HSPG2: variants seen among roughly 807,000 people sequenced by gnomAD.
The protein encoded by HSPG2 is heparan sulfate proteoglycan 2.
HSPG2 carries 278 observed loss-of-function variants against 526.6 expected under a neutral mutation model. The observed-to-expected ratio is 0.53, with a 90% confidence interval of 0.48 to 0.58. The LOEUF is 0.58. Ranked by LOEUF, HSPG2 falls within the 20% of genes least tolerant of loss-of-function variation. HSPG2 has a pLI of 0.00. For synonymous variants in HSPG2, 2,465 were observed against 2,555.4 expected (o/e 0.96, Z 1.07); for missense variants, 5,354 against 6,099.5 (o/e 0.88, Z 4.07).
intron 1 of HSPG2, among the ~76,000 whole-genome samples, chr1:21,897,759 G>A (rs1238632736): frequency 6.6e-6 from 1 of 152,156 alleles, no homozygotes; most frequent in South Asian, 2.1e-4. Flanking sequence ...GGCAGGCTGG[G>A]GGTGACTGGG....
chr1:21,840,858 C>T (rs868007252), intron 71 of HSPG2, among the ~76,000 whole-genome samples: 1 of 152,190 alleles, frequency 6.6e-6, no homozygotes, highest in African/African-American at 2.4e-5. Flanking sequence ...CCCCATTAGT[C>T]CATCCATCCA....
At chr1:21,879,224 G>C in intron 17 of HSPG2, 103 bp from the exon 18 acceptor site, 1 of 1,393,006 alleles carries the variant, frequency 7.2e-7, no homozygotes, top group Non-Finnish European at 1.0e-6. Context: ...CATCACGCTG[G>C]AGGCACAGCT....
rs1291682542 is a variant in HSPG2 at position 21,824,174 on chromosome 1, C to A, written c.12846G>T (p.Leu4282=). 1.2e-6 allele frequency: 2 copies of A among 1,613,634 alleles called. No homozygotes were observed. Among genetic ancestry groups the A allele is most frequent in the African/African-American group, 1.3e-5 (1 of 74,936 alleles). ...CGTCATTGATGGGGTCCTCAGAGAC[C>A]AGGCGGGCCTCCCCACTACCCAGCT... is the stretch of plus-strand genomic sequence containing the variant. ...RYQLGSGEAR[L]VSEDPINDGE... is the part of the protein sequence containing the mutation. Residue 4282 remains leucine (L), a synonymous_variant, in exon 95 of 97, where the codon CTG becomes CTT. Coordinates refer to ENST00000374695, the MANE Select transcript of HSPG2 (RefSeq NM_005529.7). The surrounding 1 kb of genome is among the most constrained non-coding windows in gnomAD (Gnocchi z 5.9).
In HSPG2 at chr1:21,890,039, G is replaced by A; in HGVS notation, c.516C>T (p.Gly172=). Residue 172 remains glycine (G), a synonymous_variant, in exon 6 of 97, where the codon GGC becomes GGT. Transcript: ENST00000374695. This position sits in a 1 kb window ranked among gnomAD's most constrained non-coding sequence, Gnocchi z 4.1. ...GAGAGGTGACGTAGGAGGCCACAGAGCCGCTGGAGATGACCCTGAGCAGCA... is the reference window on the plus strand; with the variant it reads ...GAGAGGTGACGTAGGAGGCCACAGAACCGCTGGAGATGACCCTGAGCAGCA... The part of the protein sequence containing the change: ...QEMLLRVISS[G]SVASYVTSPQ... 1 of 1,614,120 alleles carries A rather than the reference G, an allele frequency of 6.2e-7. No homozygotes were observed. Among genetic ancestry groups the A allele is most frequent in the East Asian group, 2.2e-5 (1 of 44,874 alleles).
At chr1:21,826,218 T>C (rs1363885966) in intron 91 of HSPG2, among the ~76,000 whole-genome samples, 1 of 152,060 alleles carries the variant, frequency 6.6e-6, no homozygotes, top group Non-Finnish European at 1.5e-5. Context: ...CATAGCCATG[T>C]GCCACCACAC....
In HSPG2 at chr1:21,861,818, C is replaced by T; in HGVS notation, c.4894G>A (p.Gly1632Arg). Residue 1632 changes from glycine (G) to arginine (R), a missense_variant, in exon 39 of 97, where the codon GGA becomes AGA. Physicochemically the swap from Gly to Arg is moderately radical, Grantham distance 125 (BLOSUM62 -2). Coordinates refer to ENST00000374695, the MANE Select transcript of HSPG2 (RefSeq NM_005529.7). ...GCCGTGCAGCGGTACCCGCCGGCTC[C>T]CAGGCTCTCACAGGTGCGGGAAAAC... ...NMFSRTCESL[G>R]AGGYRCTACE... The T allele has an allele frequency of 2.5e-6, 4 of 1,613,824 alleles. No individual in the cohort carries two copies. The highest frequency in any genetic ancestry group is 3.4e-6 in the Non-Finnish European group (4 of 1,180,026).
rs191992952 is a variant in HSPG2, at chr1:21,898,952, G to A, written c.64-2642C>T. On this transcript the variant is annotated intron_variant, in intron 1 of 96. Coordinates refer to ENST00000374695, the MANE Select transcript of HSPG2 (RefSeq NM_005529.7). The surrounding 1 kb of genome is among the most constrained non-coding windows in gnomAD (Gnocchi z 4.0). ...TGGTCAGCGGGTGGCGGCGGGGGTG[G>A]CCTTGGGACCAGACAGGAAATAGCA... 8.5e-5 allele frequency among the ~76,000 whole-genome samples: 13 copies of A among 152,342 alleles called. No homozygotes were observed. The highest frequency in any genetic ancestry group is 3.1e-4 in the African/African-American group (13 of 41,580).
In HSPG2 at chr1:21,850,056, G is replaced by A. The variant is rs768049269; in HGVS notation, c.7431C>T (p.Leu2477=). 4 of 1,613,234 alleles carry A rather than the reference G, an allele frequency of 2.5e-6. No homozygotes were observed. Among genetic ancestry groups the A allele is most frequent in the Non-Finnish European group, 3.4e-6 (4 of 1,180,012 alleles). ...TGCCTCCTACCTGGTGCCGGGCCGG[G>A]AGGCTGCCCCCGCGCTTGTGCCACG... ...QVTWHKRGGS[L]PARHQVHGSR... The change falls in exon 57 of 97, where the codon CTC becomes CTT. Residue 2477 remains leucine (L), a synonymous_variant. Coordinates refer to ENST00000374695, the MANE Select transcript of HSPG2 (RefSeq NM_005529.7).
At chr1:21,845,926 C>T (rs924003453) in intron 64 of HSPG2, among the ~76,000 whole-genome samples, 182 bp downstream of exon 64, 1 of 152,236 alleles carries the variant, frequency 6.6e-6, no homozygotes, top group African/African-American at 2.4e-5. Flanking sequence ...GGGACAGGAA[C>T]CACTCCACCT....
intron 81 of HSPG2, among the ~76,000 whole-genome samples, 186 bp downstream of exon 81, chr1:21,832,309 G>A (rs986810016): frequency 2.0e-5 from 3 of 152,178 alleles, no homozygotes; most frequent in African/African-American, 7.2e-5. Flanking sequence ...CAAGTCTGAG[G>A]TTGCACCCTC....
At chr1:21,835,997 A>AAAAT (rs1207837224) in intron 75 of HSPG2, among the ~76,000 whole-genome samples, 3 of 151,832 alleles carry the variant, frequency 2.0e-5, no homozygotes, top group Non-Finnish European at 4.4e-5. Flanking sequence ...AAAAAAAAAA[A>AAAAT]AAAAAAGAAT....
chr1:21,891,317 G>A (rs1441739107), intron 3 of HSPG2, among the ~76,000 whole-genome samples: 1 of 152,218 alleles, frequency 6.6e-6, no homozygotes, highest in Non-Finnish European at 1.5e-5. Flanking sequence ...TTCCTAATGG[G>A]GATATTGACT....
chr1:21,844,857 G>C (rs1182488348), intron 64 of HSPG2, among the ~76,000 whole-genome samples: 1 of 152,200 alleles, frequency 6.6e-6, no homozygotes, highest in Non-Finnish European at 1.5e-5. Context: ...TTACTGCTTA[G>C]CAATCTGTGT....
Position 21,878,496 on chromosome 1 carries a change from G to A in HSPG2, c.2559-5C>T, listed in dbSNP as rs1163887825. The A allele has an allele frequency of 1.9e-6, 3 of 1,613,188 alleles. No homozygotes were observed. Among genetic ancestry groups the A allele is most frequent in the South Asian group, 1.1e-5 (1 of 90,968 alleles). On this transcript the variant is annotated splice_region_variant and splice_polypyrimidine_tract_variant and intron_variant, in intron 19 of 96. Transcript: ENST00000374695. ...CCCTCGTATCCGGGGGCACAGCTAG[G>A]GGAGAGAGGGGGCCGCCATCAGCAC...
chr1:21,822,301 C>T lies in HSPG2; in HGVS notation c.*1015G>A. 7.1e-7 allele frequency: 1 copy of T among 1,418,084 alleles called. No homozygotes were observed. Among genetic ancestry groups the T allele is most frequent in the Non-Finnish European group, 9.9e-7 (1 of 1,005,630 alleles). The allele number at this position is 1,418,084 out of a possible 1,614,324, so 87.8% of individuals were successfully genotyped here. ...CAAGACAAAGACCACAGGAGGGTCC[C>T]TTCTAGGACACAGAGGCCAGGCGTC... is the stretch of plus-strand genomic sequence containing the variant. On this transcript the variant is annotated 3_prime_UTR_variant, in exon 97 of 97. Coordinates refer to ENST00000374695, the MANE Select transcript of HSPG2 (RefSeq NM_005529.7).
intron 1 of HSPG2, among the ~76,000 whole-genome samples, chr1:21,908,864 G>A (rs1187896965): frequency 2.0e-5 from 3 of 152,200 alleles, no homozygotes; most frequent in Non-Finnish European, 4.4e-5. Context: ...GGTGGCTCAC[G>A]CCTATAATTC....
At position 21,893,138 on chromosome 1, in the gene HSPG2, C is replaced by A. The variant is rs1482446376; in HGVS notation, c.245-2444G>T. ...CACCAACTCCTGATTCCCATCCCTGCTCAACAGAACTCTCTGCAACACACC... is the reference window on the plus strand; with the variant it reads ...CACCAACTCCTGATTCCCATCCCTGATCAACAGAACTCTCTGCAACACACC... On this transcript the variant is annotated intron_variant, in intron 3 of 96. Transcript: ENST00000374695. The surrounding 1 kb of genome is among the most constrained non-coding windows in gnomAD (Gnocchi z 4.3). 6.6e-6 allele frequency among the ~76,000 whole-genome samples: 1 copy of A among 152,206 alleles called. No homozygotes were observed. Among genetic ancestry groups the A allele is most frequent in the East Asian group, 1.9e-4 (1 of 5,192 alleles).
At chr1:21,870,649 C>CAGGTGAGGCA (rs1181803424) in intron 33 of HSPG2, among the ~76,000 whole-genome samples, 5 of 152,242 alleles carry the variant, frequency 3.3e-5, no homozygotes, top group African/African-American at 1.2e-4. Flanking sequence ...GACCACACAG[C>CAGGTGAGGCA]AGGTGAGGCA....
rs2097983312 is a variant in HSPG2 at position 21,827,848 on chromosome 1, A to G, written c.12589+15T>C. ...CTGAGCTGAAGCTGGGGAGGAGGCC[A>G]TGGCAAGTACTCACCATTGCCCCCG... On this transcript the variant is annotated intron_variant, in intron 91 of 96. Transcript: ENST00000374695. 1 of 1,574,108 alleles carries G rather than the reference A, an allele frequency of 6.4e-7. No homozygotes were observed. The highest frequency in any genetic ancestry group is 1.3e-5 in the African/African-American group (1 of 74,678).
Sources: allele counts gnomAD v4.1 joint callset (sites outside exome capture counted in the v4.1 genomes callset), GRCh38; gene constraint gnomAD v4.1.1; non-coding constraint Gnocchi (gnomAD v3.1); transcripts MANE v1.5; gene names NCBI Gene and HGNC (gene_info 2026-07-23, HGNC 2026-07-21).